APBA1: variants seen among roughly 807,000 people sequenced by gnomAD.
The protein encoded by APBA1 is amyloid beta precursor protein binding family A member 1, also known as amyloid-beta A4 precursor protein-binding family A member 1.
In APBA1, 55 loss-of-function variants were observed where a neutral mutation model predicts 86.6. The observed-to-expected ratio is 0.64, with a 90% confidence interval of 0.51 to 0.80. The LOEUF is 0.80. Ranked by LOEUF, APBA1 falls within the 30% of genes least tolerant of loss-of-function variation. The pLI is 0.00. For missense variants in APBA1, 1,090 were observed against 1,183.0 expected (o/e 0.92, Z 1.15); for synonymous variants, 511 against 493.9 (o/e 1.03, Z -0.46).
At chr9:69,638,107 G>C (rs1288944275) in intron 1 of APBA1, among the ~76,000 whole-genome samples, 1 of 152,154 alleles carries the variant, frequency 6.6e-6, no homozygotes, top group Non-Finnish European at 1.5e-5. Flanking sequence ...CTGATGAACA[G>C]TAATTTTATT....
chr9:69,561,442 C>T (rs1181411448), intron 1 of APBA1, among the ~76,000 whole-genome samples: 1 of 152,156 alleles, frequency 6.6e-6, no homozygotes, highest in Non-Finnish European at 1.5e-5. Flanking sequence ...AGGAAGGTAG[C>T]TTGGATGCTG....
At chr9:69,611,285 G>GAAGAAAAAAA (rs1822581300) in intron 1 of APBA1, among the ~76,000 whole-genome samples, 1 of 111,912 alleles carries the variant, frequency 8.9e-6, no homozygotes. Context: ...ACCAGAAAAG[G>GAAGAAAAAAA]AAAAAAAAAA....
chr9:69,658,218 TTCTC>T (rs1332371240), intron 1 of APBA1, among the ~76,000 whole-genome samples: 1 of 149,306 alleles, frequency 6.7e-6, no homozygotes, highest in Non-Finnish European at 1.5e-5. Context: ...CTCAAGTCCT[TTCTC>T]TCTTTCTTTC....
intron 2 of APBA1, among the ~76,000 whole-genome samples, chr9:69,498,876 T>C (rs534577639): frequency 2.6e-4 from 39 of 152,268 alleles, no homozygotes; most frequent in South Asian, 1.9e-3. Context: ...GAAACAGCTA[T>C]GACAGCTCAG....
Position 69,517,092 on chromosome 9 carries a change from T to C in APBA1, c.119A>G (p.Gln40Arg). The C allele has an allele frequency of 6.3e-7, 1 of 1,579,656 alleles. No individual in the cohort carries two copies. The highest frequency in any genetic ancestry group is 8.6e-7 in the Non-Finnish European group (1 of 1,167,750). ...CACATAGTGCTGCTGCTGCGGCGGC[T>C]GCTGCTGTTCCTCTTCCACCTCGGG... ...EHPEVEEEQQ[Q>R]PPQQQHYVGR... Residue 40 changes from glutamine to arginine, a missense_variant, in exon 2 of 13, where the codon CAG (glutamine) becomes CGG (arginine). Gln to Arg is a conservative substitution (Grantham distance 43). Transcript: ENST00000265381.
intron 1 of APBA1, among the ~76,000 whole-genome samples, chr9:69,620,900 C>T (rs779565568): frequency 2.6e-5 from 4 of 152,136 alleles, no homozygotes; most frequent in Non-Finnish European, 4.4e-5. Context: ...AGTGAAGCTC[C>T]AGAAATGAAG....
intron 1 of APBA1, among the ~76,000 whole-genome samples, chr9:69,574,755 C>T (rs1464322163): frequency 1.3e-5 from 2 of 152,046 alleles, no homozygotes; most frequent in Non-Finnish European, 2.9e-5. Flanking sequence ...AAAAATACTG[C>T]TTCGTGATAA....
At chr9:69,528,227 T>A (rs1004630065) in intron 1 of APBA1, among the ~76,000 whole-genome samples, 2 of 152,158 alleles carry the variant, frequency 1.3e-5, no homozygotes, top group African/African-American at 4.8e-5. Flanking sequence ...GCAGTCTGTA[T>A]AATTTTTGCT....
intron 11 of APBA1, 122 bp downstream of exon 11, chr9:69,440,874 T>C: frequency 7.9e-7 from 1 of 1,259,878 alleles, no homozygotes; most frequent in Non-Finnish European, 1.1e-6. Flanking sequence ...TCTGCATCAC[T>C]CACGCTGGGA....
At chr9:69,600,584 A>G (rs1054340543) in intron 1 of APBA1, among the ~76,000 whole-genome samples, 2 of 151,966 alleles carry the variant, frequency 1.3e-5, no homozygotes, top group African/African-American at 4.8e-5. Context: ...GGATCACCTG[A>G]GGTCAGGAGT....
At chr9:69,622,452 G>A (rs1037710950) in intron 1 of APBA1, among the ~76,000 whole-genome samples, 2 of 152,334 alleles carry the variant, frequency 1.3e-5, no homozygotes, top group African/African-American at 4.8e-5. Flanking sequence ...GGGAAGTGCT[G>A]TTGGAAAATG....
intron 1 of APBA1, among the ~76,000 whole-genome samples, chr9:69,532,639 T>G (rs1046435034): frequency 6.6e-6 from 1 of 152,216 alleles, no homozygotes; most frequent in Non-Finnish European, 1.5e-5. Flanking sequence ...CCTCATTATT[T>G]CAGTGTGTGC....
chr9:69,431,141 G>GAAAA lies in APBA1; in HGVS notation c.*182_*185dup, dbSNP rs772262179. On this transcript the variant is annotated 3_prime_UTR_variant, in exon 13 of 13. Transcript: ENST00000265381. ...GTGCATACGAAACTTCCCTGGTATT[G>GAAAA]AAAAAAAAAAAAAAAAAAAAGCAAA... 2.8e-5 allele frequency: 8 copies of GAAAA among 285,138 alleles called. No homozygotes were observed. The highest frequency in any genetic ancestry group is 1.2e-4 in the South Asian group (2 of 16,194). 17.7% of individuals were successfully genotyped at this position (285,138 alleles called of 1,614,324 possible). A position where few individuals can be genotyped will look rare whatever the true frequency, so the allele number is the denominator to read the frequency against.
At chr9:69,646,942 C>T (rs139134604) in intron 1 of APBA1, among the ~76,000 whole-genome samples, 24 of 152,308 alleles carry the variant, frequency 1.6e-4, no homozygotes, top group Non-Finnish European at 2.6e-4. Flanking sequence ...CACAGGGGAA[C>T]GCAGGCTGCT....
rs551674299 is a variant in APBA1, at chr9:69,434,068, G to A, written c.2302-1392C>T. ...CTCAAGTGATCTGCCTGGCTTCGCC[G>A]GAAGGCCAAGGTTTGAAGGATCACT... On this transcript the variant is annotated intron_variant, in intron 11 of 12. Coordinates refer to ENST00000265381, the MANE Select transcript of APBA1 (RefSeq NM_001163.4). 1.1e-4 allele frequency among the ~76,000 whole-genome samples: 16 copies of A among 152,258 alleles called. No homozygotes were observed. The South Asian group carries it at 2.5e-3, about 24-fold the overall frequency.
rs532192715 is a variant in APBA1 at position 69,452,356 on chromosome 9, C to T, written c.1789-55G>A. The T allele has an allele frequency of 6.6e-5, 103 of 1,552,618 alleles. No individual in the cohort carries two copies. The South Asian group carries it at 9.1e-4, about 14-fold the overall frequency. On this transcript the variant is annotated intron_variant, in intron 8 of 12. Transcript: ENST00000265381. ...TCAGCAGGGCAGTGCACCTGGTGAG[C>T]GGCCTGGCGCACTTCCCACCTGAAC...
intron 1 of APBA1, among the ~76,000 whole-genome samples, chr9:69,543,290 C>A (rs1468693962): frequency 8.1e-6 from 1 of 123,694 alleles, no homozygotes; most frequent in Admixed American, 8.3e-5. Context: ...CCCCCCCCCC[C>A]CGGCCTGTCC....
intron 1 of APBA1, among the ~76,000 whole-genome samples, chr9:69,521,860 A>C (rs1836257753): frequency 6.6e-6 from 1 of 152,032 alleles, no homozygotes. Flanking sequence ...CGATGAGGAC[A>C]AAGAGATGGA....
intron 1 of APBA1, among the ~76,000 whole-genome samples, chr9:69,551,310 T>C (rs1169711748): frequency 6.6e-6 from 1 of 152,114 alleles, no homozygotes; most frequent in Non-Finnish European, 1.5e-5. Context: ...TCCCAGCACT[T>C]TGGGAGGCTG....
Sources: allele counts gnomAD v4.1 joint callset (sites outside exome capture counted in the v4.1 genomes callset), GRCh38; gene constraint gnomAD v4.1.1; transcripts MANE v1.5; gene names NCBI Gene and HGNC (gene_info 2026-07-23, HGNC 2026-07-21).